Variants in TRPC1 observed in about 807,000 individuals in gnomAD.
The protein encoded by TRPC1 is short transient receptor potential channel 1.
A neutral mutation model predicts 88.2 loss-of-function variants in TRPC1; 42 were observed. The ratio of observed to expected loss-of-function variants is 0.48; its 90% CI spans 0.37 to 0.62. The LOEUF (loss-of-function observed/expected upper bound fraction) is 0.62, where lower values mean the gene tolerates loss of function less well. Among genes scored for constraint, TRPC1 ranks in the 20% least tolerant of loss-of-function variants. The probability of loss-of-function intolerance (pLI) is 0.00; values close to 1 mark genes in which losing one functional copy is unlikely to be tolerated. For missense variants in TRPC1, 699 were observed against 957.3 expected (o/e 0.73, Z 3.56); for synonymous variants, 288 against 331.8 (o/e 0.87, Z 1.43).
intron 4 of TRPC1, among the ~76,000 whole-genome samples, chr3:142,760,293 C>A (rs1487198419): frequency 6.6e-6 from 1 of 152,118 alleles, no homozygotes; most frequent in Non-Finnish European, 1.5e-5. Context: ...TTTCATTCTT[C>A]CACATAGTTA....
intron 10 of TRPC1, among the ~76,000 whole-genome samples, chr3:142,803,149 C>G (rs1936675532): frequency 6.6e-6 from 1 of 152,060 alleles, no homozygotes; most frequent in African/African-American, 2.4e-5. Flanking sequence ...GCTACAAAGA[C>G]AAATAAAGCA....
intron 12 of TRPC1, among the ~76,000 whole-genome samples, chr3:142,805,265 A>T (rs1366304652): frequency 1.3e-5 from 2 of 151,990 alleles, no homozygotes; most frequent in Non-Finnish European, 2.9e-5. Flanking sequence ...GTTTTAAAAC[A>T]TGGGAAATAT....
intron 4 of TRPC1, among the ~76,000 whole-genome samples, chr3:142,764,004 A>G (rs1935297877): frequency 9.2e-6 from 1 of 108,112 alleles, no homozygotes; most frequent in Admixed American, 8.3e-5. Context: ...ACATACATAT[A>G]TATATATATA....
At chr3:142,774,839 A>G (rs942173964) in intron 4 of TRPC1, among the ~76,000 whole-genome samples, 2 of 152,204 alleles carry the variant, frequency 1.3e-5, no homozygotes, top group African/African-American at 4.8e-5. Flanking sequence ...GATTATATCA[A>G]ATGCTTTCCA....
At chr3:142,774,022 C>T (rs1023848371) in intron 4 of TRPC1, among the ~76,000 whole-genome samples, 1 of 151,866 alleles carries the variant, frequency 6.6e-6, no homozygotes, top group African/African-American at 2.4e-5. Context: ...GATGTCTGTG[C>T]TTTGTTTGTG....
intron 4 of TRPC1, among the ~76,000 whole-genome samples, chr3:142,755,675 G>A (rs1443086073): frequency 6.6e-6 from 1 of 151,996 alleles, no homozygotes. Context: ...AAGTACTTTG[G>A]ACATAGGGAA....
intron 9 of TRPC1, among the ~76,000 whole-genome samples, chr3:142,795,487 A>C (rs187017941): frequency 6.6e-6 from 1 of 152,124 alleles, no homozygotes; most frequent in East Asian, 1.9e-4. Flanking sequence ...GTCATCATAT[A>C]CAGAAAAAGA....
At chr3:142,787,473 G>A (rs1317256722) in intron 7 of TRPC1, among the ~76,000 whole-genome samples, 1 of 152,074 alleles carries the variant, frequency 6.6e-6, no homozygotes, top group African/African-American at 2.4e-5. Flanking sequence ...AGTAAGGTTA[G>A]GTTATAAAAA....
chr3:142,725,317 G>C (rs888239320), intron 1 of TRPC1, among the ~76,000 whole-genome samples: 1 of 152,162 alleles, frequency 6.6e-6, no homozygotes, highest in Non-Finnish European at 1.5e-5. Context: ...AGGACGGGAC[G>C]GAAGAAATTC....
intron 1 of TRPC1, 42 bp from the exon 2 acceptor site, chr3:142,736,337 T>A (rs745974046): frequency 1.5e-5 from 21 of 1,444,370 alleles, no homozygotes; most frequent in Non-Finnish European, 1.8e-5. Flanking sequence ...CCTTACTTGA[T>A]ATGTCACGGA....
chr3:142,794,709 A>AT (rs1936400797), intron 9 of TRPC1, among the ~76,000 whole-genome samples: 1 of 152,124 alleles, frequency 6.6e-6, no homozygotes, highest in African/African-American at 2.4e-5. Context: ...TAGCATATGC[A>AT]TGTGAGGACA....
rs754830022 is a variant in TRPC1 at position 142,784,911 on chromosome 3, C to T, written c.1168C>T (p.His390Tyr). 15 of 1,613,940 alleles carry T rather than the reference C, an allele frequency of 9.3e-6. No individual in the cohort carries two copies. Among genetic ancestry groups the T allele is most frequent in the Non-Finnish European group, 1.3e-5 (15 of 1,180,014 alleles). The stretch of plus-strand genomic sequence containing the variant: ...CACACCTTTTATGAAATTTATCATT[C>T]ATGGAGCATCATATTTCACATTTCT... ...IHTPFMKFII[H>Y]GASYFTFLLL... The change falls in exon 7 of 13, where the codon CAT (histidine) becomes TAT (tyrosine). Residue 390 changes from histidine (H) to tyrosine (Y), a missense_variant. Physicochemically the swap from His to Tyr is moderately conservative, Grantham distance 83. This residue lies in a region of TRPC1 where 426 missense variants were observed against 641.3 expected (regional missense o/e 0.66). Transcript: ENST00000476941.
intron 1 of TRPC1, among the ~76,000 whole-genome samples, chr3:142,729,580 A>G (rs1250778223): frequency 6.6e-6 from 1 of 152,134 alleles, no homozygotes; most frequent in Non-Finnish European, 1.5e-5. Flanking sequence ...AATGTAACCC[A>G]AGCCAGACTC....
chr3:142,791,659 ATTAGTG>A (rs1386525766), intron 8 of TRPC1, among the ~76,000 whole-genome samples: 1 of 152,058 alleles, frequency 6.6e-6, no homozygotes, highest in Non-Finnish European at 1.5e-5. Context: ...ACTTAAAATG[ATTAGTG>A]TTAGATATCT....
chr3:142,732,348 G>A (rs1209105927), intron 1 of TRPC1, among the ~76,000 whole-genome samples: 7 of 152,022 alleles, frequency 4.6e-5, no homozygotes, highest in Non-Finnish European at 8.8e-5. Flanking sequence ...GAGTTTTCTC[G>A]GGCAGGCATT....
intron 9 of TRPC1, among the ~76,000 whole-genome samples, chr3:142,796,799 A>G (rs1464618206): frequency 1.3e-5 from 2 of 152,084 alleles, no homozygotes; most frequent in African/African-American, 4.8e-5. Context: ...GTTCTAACTG[A>G]ATCTGGCATT....
At chr3:142,763,291 G>A (rs547329222) in intron 4 of TRPC1, among the ~76,000 whole-genome samples, 2 of 151,990 alleles carry the variant, frequency 1.3e-5, no homozygotes, top group African/African-American at 2.4e-5. Flanking sequence ...TTATTGTATT[G>A]TAGTTTATCT....
At chr3:142,772,446 G>A (rs1472782267) in intron 4 of TRPC1, among the ~76,000 whole-genome samples, 1 of 151,986 alleles carries the variant, frequency 6.6e-6, no homozygotes, top group African/African-American at 2.4e-5. Flanking sequence ...CTACTGTTGA[G>A]CCCTGTATTA....
rs113641500 is a variant in TRPC1, at chr3:142,724,952, C to T, written c.172+221C>T. 6.6e-6 allele frequency among the ~76,000 whole-genome samples: 1 copy of T among 152,212 alleles called. No homozygotes were observed. The highest frequency in any genetic ancestry group is 2.4e-5 in the African/African-American group (1 of 41,460). On this transcript the variant is annotated intron_variant, in intron 1 of 12. Coordinates refer to ENST00000476941, the MANE Select transcript of TRPC1 (RefSeq NM_001251845.2). The surrounding 1 kb of genome is among the most constrained non-coding windows in gnomAD (Gnocchi z 5.6). ...GGGGCTGCGCCCTCGGAGCGCTGCA[C>T]CGTCGGGGGTGGCTCTGGCCTTGGG... is the stretch of plus-strand genomic sequence containing the variant.
Sources: gnomAD v4.1 joint callset for allele counts (sites outside exome capture counted in the v4.1 genomes callset) on GRCh38, gnomAD v4.1.1 for gene constraint, gnomAD v4.1.1 regional missense constraint, Gnocchi (gnomAD v3.1) non-coding constraint, MANE v1.5 for transcripts, NCBI Gene and HGNC (gene_info 2026-07-23, HGNC 2026-07-21) for gene names.